Variants in KCNK18 observed in about 807,000 individuals in gnomAD.
The protein encoded by KCNK18 is potassium channel subfamily K member 18.
In KCNK18, 8 loss-of-function variants were observed where a neutral mutation model predicts 11.8. That is an observed-to-expected ratio of 0.68 (90% CI 0.40 to 1.22). KCNK18 has a LOEUF of 1.22. Among genes scored for constraint, KCNK18 ranks in the 50% most tolerant of loss-of-function variants. KCNK18 has a pLI of 0.01. For synonymous variants in KCNK18, 208 were observed against 185.8 expected, an observed-to-expected ratio of 1.12 and a Z score of -0.97; for missense variants, 442 against 465.4, an observed-to-expected ratio of 0.95 and a Z score of 0.46.
intron 2 of KCNK18, among the ~76,000 whole-genome samples, chr10:117,204,361 A>G (rs1855052177): frequency 6.6e-6 from 1 of 151,858 alleles, no homozygotes; most frequent in Non-Finnish European, 1.5e-5. Flanking sequence ...CTTGCATGGG[A>G]TAATTCTCTG....
intron 1 of KCNK18, 136 bp from the exon 2 acceptor site, chr10:117,201,023 C>G (rs539144617): frequency 1.1e-5 from 11 of 1,007,518 alleles, no homozygotes; most frequent in South Asian, 7.7e-5. Flanking sequence ...CTCCGACCAC[C>G]GAGCTTTGGT....
intron 2 of KCNK18, among the ~76,000 whole-genome samples, chr10:117,205,697 T>C (rs17095851): frequency 0.027 from 4,069 of 152,288 alleles, 66 homozygotes; most frequent in Non-Finnish European, 0.042. Flanking sequence ...CTCATTGTCC[T>C]GCGTCTATCT....
intron 1 of KCNK18, among the ~76,000 whole-genome samples, chr10:117,198,694 G>A (rs1361166924): frequency 6.6e-6 from 1 of 152,182 alleles, no homozygotes. Context: ...CTGGTGTGGG[G>A]GCTCCTTCCA....
intron 2 of KCNK18, 129 bp from the exon 3 acceptor site, chr10:117,209,368 A>T: frequency 1.2e-6 from 1 of 839,758 alleles, no homozygotes. Flanking sequence ...CTTTGAGATG[A>T]GTATTTTCAA....
chr10:117,198,695 G>A (rs1293659708), intron 1 of KCNK18, among the ~76,000 whole-genome samples: 1 of 152,170 alleles, frequency 6.6e-6, no homozygotes, highest in Non-Finnish European at 1.5e-5. Flanking sequence ...TGGTGTGGGG[G>A]CTCCTTCCAC....
intron 2 of KCNK18, among the ~76,000 whole-genome samples, chr10:117,206,718 C>T (rs1855081048): frequency 6.6e-6 from 1 of 152,136 alleles, no homozygotes; most frequent in Non-Finnish European, 1.5e-5. Context: ...CAGGGTGACA[C>T]CTTGGTGAAA....
At chr10:117,202,739 G>A (rs1359148086) in intron 2 of KCNK18, among the ~76,000 whole-genome samples, 3 of 152,150 alleles carry the variant, frequency 2.0e-5, no homozygotes, top group Non-Finnish European at 4.4e-5. Flanking sequence ...TAAATCAGCT[G>A]GGGGAGCAGT....
At chr10:117,208,540 G>A (rs1855104694) in intron 2 of KCNK18, among the ~76,000 whole-genome samples, 2 of 152,184 alleles carry the variant, frequency 1.3e-5, no homozygotes. Flanking sequence ...TAGATGCTGG[G>A]AGGCTAATGG....
intron 1 of KCNK18, among the ~76,000 whole-genome samples, chr10:117,200,730 T>G (rs555775851): frequency 2.6e-5 from 4 of 151,528 alleles, no homozygotes; most frequent in African/African-American, 9.7e-5. Flanking sequence ...GAGGATTGCT[T>G]GAACCAGGGA....
intron 2 of KCNK18, among the ~76,000 whole-genome samples, chr10:117,202,771 G>A (rs1161744349): frequency 6.6e-6 from 1 of 152,168 alleles, no homozygotes; most frequent in African/African-American, 2.4e-5. Context: ...GAAGAAAGGA[G>A]GGAATGGCTG....
intron 2 of KCNK18, 55 bp from the exon 3 acceptor site, chr10:117,209,442 G>T: frequency 7.0e-7 from 1 of 1,432,006 alleles, no homozygotes. Flanking sequence ...AAAGCTTTTG[G>T]GGGGAAAAAG....
rs1204695608 is a variant in KCNK18 at position 117,197,574 on chromosome 10, T to C, written c.86T>C (p.Phe29Ser). Residue 29 changes from phenylalanine to serine, a missense_variant, in exon 1 of 3, where the codon TTT becomes TCT. By Grantham distance (155) the Phe-to-Ser change is radical. Transcript: ENST00000334549. ...TTCCCTGGCCTCTGCTTCCTCTGCT[T>C]TCTGGTGACCTACGCCCTGGTGGGT... ...KLFPGLCFLC[F>S]LVTYALVGAV... 4.3e-6 allele frequency: 7 copies of C among 1,614,212 alleles called. No homozygotes were observed. Among genetic ancestry groups the C allele is most frequent in the Non-Finnish European group, 4.2e-6 (5 of 1,180,032 alleles).
At position 117,201,017 on chromosome 10, in the gene KCNK18, G is replaced by C. The variant is rs1030381872; in HGVS notation, c.224-142G>C. 14 of 961,822 alleles carry C rather than the reference G, an allele frequency of 1.5e-5. 1 individual carries two copies. Among genetic ancestry groups the C allele is most frequent in the Non-Finnish European group, 2.3e-5 (14 of 606,728 alleles). 59.6% of individuals were successfully genotyped at this position (961,822 alleles called of 1,614,324 possible). A position where few individuals can be genotyped will look rare whatever the true frequency, so the allele number is the denominator to read the frequency against. ...CAGAAATATTTTAAAGGAGGACTCCGACCACCGAGCTTTGGTGTTGATACT... is the reference window on the plus strand; with the variant it reads ...CAGAAATATTTTAAAGGAGGACTCCCACCACCGAGCTTTGGTGTTGATACT... On this transcript the variant is annotated intron_variant, in intron 1 of 2. Coordinates refer to ENST00000334549, the MANE Select transcript of KCNK18 (RefSeq NM_181840.1).
chr10:117,200,874 C>T lies in KCNK18; in HGVS notation c.224-285C>T, dbSNP rs181724284. Among the ~76,000 whole-genome samples, 153 of 152,060 alleles carry T rather than the reference C, an allele frequency of 1.0e-3. 1 individual carries two copies. The highest frequency in any genetic ancestry group is 2.2e-4 in the Non-Finnish European group (15 of 67,994). ...AGAAAATTAAAAGGCAAAGACTACA[C>T]AGCAATGCCAGGGCTAAGCTCTGGT... On this transcript the variant is annotated intron_variant, in intron 1 of 2. Transcript: ENST00000334549.
chr10:117,207,664 A>G (rs1855091801), intron 2 of KCNK18, among the ~76,000 whole-genome samples: 2 of 151,942 alleles, frequency 1.3e-5, no homozygotes, highest in African/African-American at 4.8e-5. Flanking sequence ...AACTGATGAG[A>G]CTCTTTGAGA....
intron 2 of KCNK18, among the ~76,000 whole-genome samples, chr10:117,207,341 C>T (rs955835447): frequency 4.6e-5 from 7 of 152,054 alleles, no homozygotes; most frequent in African/African-American, 1.7e-4. Context: ...GGATAGGTGC[C>T]TTTGTTCTAA....
chr10:117,209,501 T>C lies in KCNK18; in HGVS notation c.357T>C (p.Tyr119=). ...FCCTVFSTVG[Y]GYIYPVTRLG... ...AAGCTCCATCTTCTTTTTCAGGCTA[T>C]GGCTACATCTACCCCGTCACCAGGC... is the stretch of plus-strand genomic sequence containing the variant. Residue 119 remains tyrosine (Y), a synonymous_variant, in exon 3 of 3, where the codon TAT becomes TAC. Coordinates refer to ENST00000334549, the MANE Select transcript of KCNK18 (RefSeq NM_181840.1). The C allele has an allele frequency of 6.2e-7, 1 of 1,614,034 alleles. No individual in the cohort carries two copies. Among genetic ancestry groups the C allele is most frequent in the Non-Finnish European group, 8.5e-7 (1 of 1,179,910 alleles).
chr10:117,209,515 C>A lies in KCNK18; in HGVS notation c.371C>A (p.Pro124His), dbSNP rs767164448. The A allele has an allele frequency of 3.1e-6, 5 of 1,614,158 alleles. No individual in the cohort carries two copies. Among genetic ancestry groups the A allele is most frequent in the Admixed American group, 3.3e-5 (2 of 60,026 alleles). ...FSTVGYGYIY[P>H]VTRLGKYLCM... ...TTTTCAGGCTATGGCTACATCTACC[C>A]CGTCACCAGGCTTGGCAAGTACTTG... Residue 124 changes from proline (P) to histidine (H), a missense_variant, in exon 3 of 3, where the codon CCC becomes CAC. Pro to His is a moderately conservative substitution (Grantham distance 77). Coordinates refer to ENST00000334549, the MANE Select transcript of KCNK18 (RefSeq NM_181840.1).
At chr10:117,209,021 A>C (rs1855109525) in intron 2 of KCNK18, among the ~76,000 whole-genome samples, 1 of 152,200 alleles carries the variant, frequency 6.6e-6, no homozygotes, top group African/African-American at 2.4e-5. Context: ...AATTACAGGC[A>C]TGAACCACCA....
Sources: gnomAD v4.1 joint callset for allele counts (sites outside exome capture counted in the v4.1 genomes callset) on GRCh38, gnomAD v4.1.1 for gene constraint, MANE v1.5 for transcripts, NCBI Gene and HGNC (gene_info 2026-07-23, HGNC 2026-07-21) for gene names.